MIEF1: variants seen among roughly 807,000 people sequenced by gnomAD.
MIEF1 encodes mitochondrial elongation factor 1, also known as mitochondrial dynamics protein MIEF1.
A neutral mutation model predicts 35.1 loss-of-function variants in MIEF1; 14 were observed. The ratio of observed to expected loss-of-function variants is 0.40; its 90% CI spans 0.26 to 0.62. MIEF1 has a LOEUF of 0.62. Ranked by LOEUF, MIEF1 falls within the 20% of genes least tolerant of loss-of-function variation. MIEF1 has a pLI of 0.43. For synonymous variants in MIEF1, 245 were observed against 254.3 expected (o/e 0.96, Z 0.35); for missense variants, 542 against 615.4 (o/e 0.88, Z 1.26).
rs554273893 is a variant in MIEF1 at position 39,515,694 on chromosome 22, C to T, written c.*1371C>T. On this transcript the variant is annotated 3_prime_UTR_variant, in exon 6 of 6. Transcript: ENST00000325301. ...AGGTGGGGAGGAATGTTTAATCTAC[C>T]ATGTCCGTGTGTCATCTTGGTTTGT... 9.4e-5 allele frequency: 27 copies of T among 285,912 alleles called. No individual in the cohort carries two copies. In the East Asian group the frequency reaches 1.6e-3, roughly 17 times the overall value. 17.7% of individuals were successfully genotyped at this position (285,912 alleles called of 1,614,324 possible).
At chr22:39,512,135 T>A in intron 4 of MIEF1, 97 bp from the exon 5 acceptor site, 2 of 1,557,870 alleles carry the variant, frequency 1.3e-6, no homozygotes, top group Non-Finnish European at 1.7e-6. Context: ...TGCCAGCACT[T>A]GCCCTCCATG....
At chr22:39,512,062 G>A in intron 4 of MIEF1, 36 bp downstream of exon 4, 5 of 1,597,138 alleles carry the variant, frequency 3.1e-6, no homozygotes, top group Non-Finnish European at 4.3e-6. Context: ...GGACCTCTCT[G>A]GACTTTCAGT....
Position 39,514,001 on chromosome 22 carries a change from C to G in MIEF1, c.1070C>G (p.Ser357Trp). The G allele has an allele frequency of 1.2e-6, 2 of 1,613,266 alleles. No individual in the cohort carries two copies. Among genetic ancestry groups the G allele is most frequent in the Non-Finnish European group, 1.7e-6 (2 of 1,180,020 alleles). ...CTGCGGGCTCTGGACCAGGCTGACTCGGGCTGCCGATCTCTGTGCCTCAAG... is the reference window on the plus strand; with the variant it reads ...CTGCGGGCTCTGGACCAGGCTGACTGGGGCTGCCGATCTCTGTGCCTCAAG... ...ARLRALDQAD[S>W]GCRSLCLKIL... The change falls in exon 6 of 6, where the codon TCG becomes TGG. Residue 357 changes from serine to tryptophan, a missense_variant. Physicochemically the swap from Ser to Trp is radical, Grantham distance 177. Coordinates refer to ENST00000325301, the MANE Select transcript of MIEF1 (RefSeq NM_019008.6).
intron 3 of MIEF1, 66 bp downstream of exon 3, chr22:39,511,504 TAGAA>T: frequency 6.8e-7 from 1 of 1,463,044 alleles, no homozygotes; most frequent in Non-Finnish European, 9.0e-7. Flanking sequence ...TAATGTTTTA[TAGAA>T]AGAAAATGTC....
chr22:39,507,969 GAC>G (rs1930130506), intron 2 of MIEF1, among the ~76,000 whole-genome samples: 1 of 152,230 alleles, frequency 6.6e-6, no homozygotes, highest in African/African-American at 2.4e-5. Flanking sequence ...TCACTCAGAG[GAC>G]AGTCTGGGTT....
Position 39,506,698 on chromosome 22 carries a change from C to T in MIEF1, c.-8+2164C>T, listed in dbSNP as rs377609542. On this transcript the variant is annotated intron_variant, in intron 2 of 5. Transcript: ENST00000325301. ...GTCATCCTAGGAAGCCGCAAGGCCT[C>T]CATTATTCATCATCCTTAACTATAT... Among the ~76,000 whole-genome samples the T allele has an allele frequency of 3.9e-4, 59 of 152,338 alleles. 1 individual carries two copies. The highest frequency in any genetic ancestry group is 1.4e-3 in the African/African-American group (57 of 41,576).
At chr22:39,500,142 T>G (rs1929639903), upstream of MIEF1, 1 of 151,354 alleles carries the variant, frequency 6.6e-6, no homozygotes, top group South Asian at 2.1e-4. Flanking sequence ...ACAAACACCC[T>G]GCAATATCAA....
At chr22:39,504,933 G>A (rs1472445217) in intron 2 of MIEF1, among the ~76,000 whole-genome samples, 1 of 152,130 alleles carries the variant, frequency 6.6e-6, no homozygotes, top group East Asian at 1.9e-4. Context: ...GGTGGCTCAC[G>A]CCTGTAATCC....
chr22:39,517,151 G>C lies in MIEF1; in HGVS notation c.*2828G>C, dbSNP rs1383995947. 6.4e-6 allele frequency: 1 copy of C among 155,690 alleles called. No individual in the cohort carries two copies. The allele number at this position is 155,690 out of a possible 1,614,324, so 9.6% of individuals were successfully genotyped here. A position where few individuals can be genotyped will look rare whatever the true frequency, so the allele number is the denominator to read the frequency against. On this transcript the variant is annotated 3_prime_UTR_variant, in exon 6 of 6. Transcript: ENST00000325301. ...ACTCTTACTTTTGCCTGAAGTAACA[G>C]CATCTTCTACTTCTCCATCTAGAGA...
chr22:39,503,236 G>C (rs1481443815), intron 1 of MIEF1: 1 of 152,164 alleles, frequency 6.6e-6, no homozygotes, highest in East Asian at 1.9e-4. Context: ...GTGGGCCCGC[G>C]GGCAAGTTAC....
intron 1 of MIEF1, among the ~76,000 whole-genome samples, chr22:39,502,847 A>C (rs1323954903): frequency 6.6e-6 from 1 of 152,148 alleles, no homozygotes; most frequent in African/African-American, 2.4e-5. Flanking sequence ...GGGCCGAGGG[A>C]TCTCTTAAAC....
At chr22:39,504,703 C>T in intron 2 of MIEF1, 169 bp downstream of exon 2, 1 of 281,612 alleles carries the variant, frequency 3.6e-6, no homozygotes, top group Non-Finnish European at 6.5e-6. Flanking sequence ...ATGGCTTCAG[C>T]CCAGGAGGTT....
intron 2 of MIEF1, among the ~76,000 whole-genome samples, chr22:39,509,807 T>C (rs1009179138): frequency 6.6e-6 from 1 of 152,214 alleles, no homozygotes; most frequent in African/African-American, 2.4e-5. Context: ...CAGTTCCGTG[T>C]GCAGGATGTT....
chr22:39,500,718 C>T (rs964808976), upstream of MIEF1, among the ~76,000 whole-genome samples: 4 of 150,848 alleles, frequency 2.7e-5, no homozygotes, highest in Admixed American at 6.6e-5. Context: ...TTTTTGAGAC[C>T]GAGTCTTGTT....
At chr22:39,511,208 CTTG>C in intron 2 of MIEF1, 77 bp from the exon 3 acceptor site, 2 of 1,583,428 alleles carry the variant, frequency 1.3e-6, no homozygotes, top group Non-Finnish European at 1.7e-6. Flanking sequence ...GTACCCTGTA[CTTG>C]TTGGGGTTTG....
chr22:39,511,587 T>G, intron 3 of MIEF1, 149 bp downstream of exon 3: 1 of 1,257,072 alleles, frequency 8.0e-7, no homozygotes, highest in Non-Finnish European at 1.1e-6. Context: ...ATGTATAGAG[T>G]GATCGTCATT....
In MIEF1 at chr22:39,517,510, G is replaced by A. The variant is rs1048742593; in HGVS notation, c.*3187G>A. The A allele has an allele frequency of 2.8e-5, 13 of 471,054 alleles. No homozygotes were observed. The highest frequency in any genetic ancestry group is 5.7e-5 in the Non-Finnish European group (13 of 227,010). 29.2% of individuals were successfully genotyped at this position (471,054 alleles called of 1,614,324 possible). A position where few individuals can be genotyped will look rare whatever the true frequency, so the allele number is the denominator to read the frequency against. ...GTTGAGAGTTCAAATAGTCTTGAAGGGGAATCAGCTTCAGGATGGAAGGAC... is the reference window on the plus strand; with the variant it reads ...GTTGAGAGTTCAAATAGTCTTGAAGAGGAATCAGCTTCAGGATGGAAGGAC... On this transcript the variant is annotated 3_prime_UTR_variant, in exon 6 of 6. Coordinates refer to ENST00000325301, the MANE Select transcript of MIEF1 (RefSeq NM_019008.6).
chr22:39,516,405 C>T lies in MIEF1; in HGVS notation c.*2082C>T, dbSNP rs558136153. The T allele has an allele frequency of 6.6e-6, 1 of 152,188 alleles. No homozygotes were observed. The highest frequency in any genetic ancestry group is 1.5e-5 in the Non-Finnish European group (1 of 68,028). The allele number at this position is 152,188 out of a possible 1,614,324, so 9.4% of individuals were successfully genotyped here. A position where few individuals can be genotyped will look rare whatever the true frequency, so the allele number is the denominator to read the frequency against. On this transcript the variant is annotated 3_prime_UTR_variant, in exon 6 of 6. Transcript: ENST00000325301. ...AGCTTGCATCTCTGACCAAATTTCACATAAAACATTGGAAGGAGGCTGGGT... is the reference window on the plus strand; with the variant it reads ...AGCTTGCATCTCTGACCAAATTTCATATAAAACATTGGAAGGAGGCTGGGT...
intron 2 of MIEF1, among the ~76,000 whole-genome samples, chr22:39,507,662 G>A (rs537748212): frequency 2.0e-5 from 3 of 151,766 alleles, no homozygotes; most frequent in South Asian, 2.1e-4. Flanking sequence ...TCAGGAGTTC[G>A]AGACCAGCCT....
Sources: gnomAD v4.1 joint callset for allele counts (sites outside exome capture counted in the v4.1 genomes callset) on GRCh38, gnomAD v4.1.1 for gene constraint, MANE v1.5 for transcripts, NCBI Gene and HGNC (gene_info 2026-07-23, HGNC 2026-07-21) for gene names.